Variants in CYP46A1 observed in about 807,000 individuals in gnomAD.
CYP46A1 encodes the protein cholesterol 24-hydroxylase.
A neutral mutation model predicts 63.3 loss-of-function variants in CYP46A1; 20 were observed. The observed-to-expected ratio is 0.32, with a 90% confidence interval of 0.22 to 0.46. The LOEUF is 0.46. CYP46A1 is among the 20% of genes least tolerant of loss of function. CYP46A1 has a pLI of 1.00. For synonymous variants in CYP46A1, 268 were observed against 273.6 expected, an observed-to-expected ratio of 0.98 and a Z score of 0.20; for missense variants, 445 against 670.8, an observed-to-expected ratio of 0.66 and a Z score of 3.72.
intron 7 of CYP46A1, among the ~76,000 whole-genome samples, chr14:99,715,341 C>T (rs557777928): frequency 6.6e-6 from 1 of 152,224 alleles, no homozygotes; most frequent in Admixed American, 6.5e-5. Flanking sequence ...CTCCTTATTC[C>T]AGTCATGAAG....
intron 3 of CYP46A1, among the ~76,000 whole-genome samples, chr14:99,695,723 A>C (rs1451735831): frequency 6.6e-6 from 1 of 151,504 alleles, no homozygotes; most frequent in Non-Finnish European, 1.5e-5. Context: ...CTCCACCTCC[A>C]GGGTTCAAGT....
chr14:99,722,836 C>T lies in CYP46A1; in HGVS notation c.1176+770C>T. 2.3e-6 allele frequency: 1 copy of T among 431,644 alleles called. No individual in the cohort carries two copies. Among genetic ancestry groups the T allele is most frequent in the Non-Finnish European group, 4.8e-6 (1 of 209,008 alleles). The allele number at this position is 431,644 out of a possible 1,614,324, so 26.7% of individuals were successfully genotyped here. On this transcript the variant is annotated intron_variant, in intron 12 of 14. Transcript: ENST00000261835. This position sits in a 1 kb window ranked among gnomAD's most constrained non-coding sequence, Gnocchi z 4.6. ...GGCATTTGAGAGGTGTCCAGTTTGT[C>T]CCTATCTCGAGCACCACAGCAACGA...
intron 5 of CYP46A1, 48 bp downstream of exon 5, chr14:99,700,149 A>C: frequency 6.7e-7 from 1 of 1,491,026 alleles, no homozygotes; most frequent in Non-Finnish European, 9.1e-7. Context: ...CAGAGGCAGT[A>C]GGGGCTGCCG....
At chr14:99,703,772 C>T in intron 5 of CYP46A1, 1 of 960,716 alleles carries the variant, frequency 1.0e-6, no homozygotes, top group Non-Finnish European at 1.2e-6. Flanking sequence ...GAGTCCTGCG[C>T]CCAGCACCAG....
intron 12 of CYP46A1, among the ~76,000 whole-genome samples, chr14:99,724,102 A>G (rs2056873225): frequency 6.6e-6 from 1 of 152,108 alleles, no homozygotes; most frequent in Admixed American, 6.5e-5. Context: ...ATCTCCTCTT[A>G]TAAGGACACC....
intron 1 of CYP46A1, among the ~76,000 whole-genome samples, chr14:99,687,485 T>C (rs1028559515): frequency 3.3e-5 from 5 of 152,158 alleles, no homozygotes; most frequent in African/African-American, 1.2e-4. Context: ...GTGCATCTGA[T>C]GAGCTTTGGG....
At position 99,684,313 on chromosome 14, in the gene CYP46A1, TG is replaced by T; in HGVS notation, c.-101del. On this transcript the variant is annotated 5_prime_UTR_variant, in exon 1 of 15. Transcript: ENST00000261835. ...GGAGGGTGCTGGGTCGCGCCTGGCC[TG>T]GGGCCGAGGCGGCGCGCGGCGCTGA... 1.7e-6 allele frequency: 1 copy of T among 578,146 alleles called. No individual in the cohort carries two copies. The highest frequency in any genetic ancestry group is 2.4e-6 in the Non-Finnish European group (1 of 414,006). 35.8% of individuals were successfully genotyped at this position (578,146 alleles called of 1,614,324 possible).
intron 7 of CYP46A1, among the ~76,000 whole-genome samples, chr14:99,714,143 AATC>A (rs1416842698): frequency 1.3e-5 from 2 of 152,228 alleles, no homozygotes; most frequent in Non-Finnish European, 2.9e-5. Flanking sequence ...CAACGTCACT[AATC>A]ATCAGATAAA....
At chr14:99,690,830 C>T (rs547695151) in intron 1 of CYP46A1, among the ~76,000 whole-genome samples, 6 of 152,218 alleles carry the variant, frequency 3.9e-5, no homozygotes, top group African/African-American at 1.4e-4. Context: ...TATCTGCCAG[C>T]CCCCAACTTC....
chr14:99,704,487 G>A (rs977497491), intron 5 of CYP46A1, among the ~76,000 whole-genome samples: 2 of 152,176 alleles, frequency 1.3e-5, no homozygotes, highest in African/African-American at 4.8e-5. Context: ...TAATAAAACT[G>A]TGAGAGTAAA....
intron 10 of CYP46A1, among the ~76,000 whole-genome samples, chr14:99,719,207 C>A (rs1410547239): frequency 6.6e-6 from 1 of 151,978 alleles, no homozygotes; most frequent in African/African-American, 2.4e-5. Flanking sequence ...TGAATGTCAT[C>A]CCCCTCCACT....
At chr14:99,712,661 GA>G (rs1027289374) in intron 7 of CYP46A1, 1 of 152,080 alleles carries the variant, frequency 6.6e-6, no homozygotes, top group Non-Finnish European at 1.5e-5. Context: ...ACAAACAAAT[GA>G]AAAAACATCC....
chr14:99,702,632 T>A (rs2056641654), intron 5 of CYP46A1, among the ~76,000 whole-genome samples: 1 of 152,144 alleles, frequency 6.6e-6, no homozygotes, highest in African/African-American at 2.4e-5. Flanking sequence ...AATCACCATT[T>A]GCTTTATCAT....
At chr14:99,704,046 C>A (rs2056654309) in intron 5 of CYP46A1, among the ~76,000 whole-genome samples, 1 of 152,172 alleles carries the variant, frequency 6.6e-6, no homozygotes, top group Non-Finnish European at 1.5e-5. Context: ...CATGACATAA[C>A]CATGTCATTG....
At chr14:99,712,737 A>C (rs2056745727) in intron 7 of CYP46A1, 1 of 152,236 alleles carries the variant, frequency 6.6e-6, no homozygotes, top group Non-Finnish European at 1.5e-5. Flanking sequence ...CAATCTAAAG[A>C]TTCAATGCAA....
chr14:99,714,311 G>A (rs2056767013), intron 7 of CYP46A1, among the ~76,000 whole-genome samples: 1 of 152,190 alleles, frequency 6.6e-6, no homozygotes, highest in Non-Finnish European at 1.5e-5. Context: ...AAACAGTGTG[G>A]AGGTTTCTCA....
intron 5 of CYP46A1, among the ~76,000 whole-genome samples, chr14:99,701,093 TTG>T (rs1241743120): frequency 1.3e-5 from 2 of 152,186 alleles, no homozygotes; most frequent in African/African-American, 4.8e-5. Context: ...TGAACAGTGT[TTG>T]TGTTTTAAGC....
At chr14:99,726,533 C>T (rs768295418) in intron 14 of CYP46A1, 24 bp from the exon 15 acceptor site, 16 of 1,543,416 alleles carry the variant, frequency 1.0e-5, no homozygotes, top group African/African-American at 6.8e-5. Flanking sequence ...TTCATTCCTT[C>T]CTCATTTTGC....
At chr14:99,711,803 C>CACAAACAGACAAGGACACAATA (rs2056734850) in intron 7 of CYP46A1, 1 of 152,082 alleles carries the variant, frequency 6.6e-6, no homozygotes, top group African/African-American at 2.4e-5. Flanking sequence ...ACCCTGATAC[C>CACAAACAGACAAGGACACAATA]ACAAACAGAC....
Sources: gnomAD v4.1 joint callset for allele counts (sites outside exome capture counted in the v4.1 genomes callset) on GRCh38, gnomAD v4.1.1 for gene constraint, Gnocchi (gnomAD v3.1) non-coding constraint, MANE v1.5 for transcripts, NCBI Gene and HGNC (gene_info 2026-07-23, HGNC 2026-07-21) for gene names.